The following GRIP1 variants were observed in gnomAD, a reference collection of about 807,000 sequenced individuals.
GRIP1 encodes glutamate receptor-interacting protein 1.
GRIP1 carries 45 observed loss-of-function variants against 129.9 expected under a neutral mutation model. That is an observed-to-expected ratio of 0.35 (90% CI 0.27 to 0.44). The LOEUF is 0.44. Among genes scored for constraint, GRIP1 ranks in the 20% least tolerant of loss-of-function variants. GRIP1 has a pLI of 1.00. For missense variants in GRIP1, 1,196 were observed against 1,396.8 expected, an observed-to-expected ratio of 0.86 and a Z score of 2.29; for synonymous variants, 530 against 520.8, an observed-to-expected ratio of 1.02 and a Z score of -0.24.
intron 1 of GRIP1, among the ~76,000 whole-genome samples, chr12:66,673,050 T>C (rs2034155269): frequency 6.6e-6 from 1 of 152,192 alleles, no homozygotes; most frequent in Admixed American, 6.5e-5. Context: ...TTGTCTTGAT[T>C]AATTTCTCTT....
chr12:66,893,772 T>C (rs1032377446), intron 1 of GRIP1, among the ~76,000 whole-genome samples: 3 of 152,214 alleles, frequency 2.0e-5, no homozygotes, highest in African/African-American at 7.2e-5. Flanking sequence ...TTAAACCTCA[T>C]TGGAAATTGC....
At chr12:67,013,808 C>T (rs971174236) in intron 1 of GRIP1, among the ~76,000 whole-genome samples, 7 of 152,152 alleles carry the variant, frequency 4.6e-5, no homozygotes, top group African/African-American at 1.7e-4. Context: ...TTTCTGTCAA[C>T]CATGGTAATA....
chr12:66,921,464 T>C (rs1319982092), intron 1 of GRIP1, among the ~76,000 whole-genome samples: 1 of 152,186 alleles, frequency 6.6e-6, no homozygotes, highest in Non-Finnish European at 1.5e-5. Context: ...GTTCTTTACT[T>C]CTATTAAAAT....
chr12:67,039,324 A>C (rs1047560482), intron 1 of GRIP1, among the ~76,000 whole-genome samples: 2 of 152,232 alleles, frequency 1.3e-5, no homozygotes, highest in Non-Finnish European at 2.9e-5. Flanking sequence ...TCTTTTTCAC[A>C]TTCCATATAC....
At chr12:66,754,854 T>C (rs2037236951) in intron 1 of GRIP1, among the ~76,000 whole-genome samples, 1 of 152,114 alleles carries the variant, frequency 6.6e-6, no homozygotes, top group East Asian at 1.9e-4. Flanking sequence ...TCCCTGAGTC[T>C]GCCTGCTTCA....
At chr12:66,764,361 A>G (rs12308601) in intron 1 of GRIP1, among the ~76,000 whole-genome samples, 2,785 of 152,318 alleles carry the variant, frequency 0.018, 99 homozygotes, top group African/African-American at 0.064. Flanking sequence ...CATCACGTTC[A>G]TATCAGCCAA....
intron 1 of GRIP1, among the ~76,000 whole-genome samples, chr12:67,041,394 GGA>G (rs763793881): frequency 3.3e-5 from 5 of 151,736 alleles, no homozygotes; most frequent in Non-Finnish European, 5.9e-5. Context: ...ACATATATAT[GGA>G]GAGAGAGAGA....
intron 1 of GRIP1, among the ~76,000 whole-genome samples, chr12:66,730,446 T>C (rs988859134): frequency 3.9e-5 from 6 of 152,152 alleles, no homozygotes; most frequent in Non-Finnish European, 1.5e-5. Context: ...AAATGCATCA[T>C]TTATTGCTTA....
chr12:66,578,907 G>T lies in GRIP1; in HGVS notation c.136+17940C>A, dbSNP rs559518395. Among the ~76,000 whole-genome samples, 602 of 152,312 alleles carry T rather than the reference G, an allele frequency of 4.0e-3. 2 individuals are homozygous for T. Among genetic ancestry groups the T allele is most frequent in the Middle Eastern group, 6.8e-3 (2 of 294 alleles). Reference sequence around the variant, plus strand: ...GTCTGACAGCTTTGAAGAGAGCAGTGGTTCTCCCAGCACGCAGCTGGAGAT... The same window carrying T: ...GTCTGACAGCTTTGAAGAGAGCAGTTGTTCTCCCAGCACGCAGCTGGAGAT... On this transcript the variant is annotated intron_variant, in intron 2 of 24. Transcript: ENST00000359742.
chr12:67,026,185 T>TA (rs576705094), intron 1 of GRIP1, among the ~76,000 whole-genome samples: 100 of 152,112 alleles, frequency 6.6e-4, no homozygotes, highest in African/African-American at 2.2e-3. Context: ...GCTCTTTGTT[T>TA]AAAAAAAAGC....
intron 1 of GRIP1, among the ~76,000 whole-genome samples, chr12:66,689,099 G>A (rs957255413): frequency 6.6e-6 from 1 of 152,194 alleles, no homozygotes; most frequent in African/African-American, 2.4e-5. Context: ...GGCTGGCTGG[G>A]AACTGACCAG....
intron 1 of GRIP1, among the ~76,000 whole-genome samples, chr12:66,831,508 T>C (rs779601961): frequency 1.3e-5 from 2 of 152,214 alleles, no homozygotes; most frequent in Non-Finnish European, 2.9e-5. Flanking sequence ...CCTGGACATA[T>C]TTCAAAATTA....
chr12:67,036,264 C>T (rs567202217), intron 1 of GRIP1, among the ~76,000 whole-genome samples: 1 of 148,932 alleles, frequency 6.7e-6, no homozygotes, highest in African/African-American at 2.4e-5. Context: ...GAATAGATCA[C>T]AGTTCTTTCC....
At chr12:66,899,532 T>G (rs2040810722) in intron 1 of GRIP1, among the ~76,000 whole-genome samples, 1 of 152,082 alleles carries the variant, frequency 6.6e-6, no homozygotes, top group South Asian at 2.1e-4. Context: ...CTGGCTATTT[T>G]TTTTTAATTT....
chr12:66,784,945 T>C (rs546071459), intron 1 of GRIP1, among the ~76,000 whole-genome samples: 1 of 152,264 alleles, frequency 6.6e-6, no homozygotes, highest in Admixed American at 6.5e-5. Context: ...ACATGTTGCC[T>C]GTGAGGTCTG....
intron 9 of GRIP1, among the ~76,000 whole-genome samples, chr12:66,456,805 G>C (rs1035164262): frequency 4.6e-5 from 7 of 151,974 alleles, no homozygotes; most frequent in Non-Finnish European, 1.0e-4. Context: ...TGATTCAAGT[G>C]GTTTACTAGT....
intron 1 of GRIP1, among the ~76,000 whole-genome samples, chr12:66,697,372 A>C (rs181304645): frequency 1.9e-4 from 29 of 152,324 alleles, no homozygotes; most frequent in Middle Eastern, 3.4e-3. Context: ...TTCCTTAGAG[A>C]GAGCCACTAC....
At chr12:66,903,398 C>T (rs1416277088) in intron 1 of GRIP1, among the ~76,000 whole-genome samples, 1 of 151,632 alleles carries the variant, frequency 6.6e-6, no homozygotes, top group Non-Finnish European at 1.5e-5. Context: ...AAGAGACTGC[C>T]TTTTAAGTAA....
chr12:66,353,343 A>T (rs1265124711), intron 24 of GRIP1, 74 bp downstream of exon 24: 6 of 1,037,928 alleles, frequency 5.8e-6, no homozygotes, highest in Non-Finnish European at 9.1e-6. Context: ...GGCCCCAAAT[A>T]TGCAGGAGGA....
Sources: allele counts gnomAD v4.1 joint callset (sites outside exome capture counted in the v4.1 genomes callset), GRCh38; gene constraint gnomAD v4.1.1; transcripts MANE v1.5; gene names NCBI Gene and HGNC (gene_info 2026-07-23, HGNC 2026-07-21).